The following LINGO2 variants were observed in gnomAD, a reference collection of about 807,000 sequenced individuals.
LINGO2 encodes the protein leucine-rich repeat and immunoglobulin-like domain-containing nogo receptor-interacting protein 2.
In LINGO2, 14 loss-of-function variants were observed where a neutral mutation model predicts 30.6. The observed-to-expected ratio is 0.46, with a 90% CI of 0.30 to 0.72. The LOEUF (loss-of-function observed/expected upper bound fraction) is 0.72. Among genes scored for constraint, LINGO2 ranks in the 30% least tolerant of loss-of-function variants. The pLI, the probability that LINGO2 is intolerant of heterozygous loss-of-function variation, is 0.07. For synonymous variants in LINGO2, 317 were observed against 288.5 expected, an observed-to-expected ratio of 1.10 and a Z score of -1.00; for missense variants, 729 against 751.7, an observed-to-expected ratio of 0.97 and a Z score of 0.35.
intron 4 of LINGO2, among the ~76,000 whole-genome samples, chr9:28,092,904 G>A (rs1826138225): frequency 6.6e-6 from 1 of 151,862 alleles, no homozygotes; most frequent in African/African-American, 2.4e-5. Context: ...ACCAGACATT[G>A]GACTAAGTGC....
At chr9:28,876,494 C>T in the LINGO2 span, among the ~76,000 whole-genome samples, 24 of 151,346 alleles carry the variant, frequency 1.6e-4, no homozygotes, top group Admixed American at 2.6e-4. Flanking sequence ...AGTGAGAACA[C>T]GTGGTGTTTG....
chr9:27,939,889 A>C, the LINGO2 span: 1 of 152,200 alleles, frequency 6.6e-6, no homozygotes, highest in East Asian at 1.9e-4. Flanking sequence ...TGGTAAACAA[A>C]TTTATCTCCC....
intron 4 of LINGO2, among the ~76,000 whole-genome samples, chr9:28,172,062 AC>A (rs1238194159): frequency 7.1e-6 from 1 of 140,976 alleles, no homozygotes; most frequent in Non-Finnish European, 1.5e-5. Context: ...ATCTCCTACC[AC>A]TTTCCTGCTG....
chr9:29,080,508 C>T, the LINGO2 span, among the ~76,000 whole-genome samples: 1 of 151,904 alleles, frequency 6.6e-6, no homozygotes. Context: ...TTTGCTCTTG[C>T]TTCTCTAGTT....
chr9:29,199,070 G>A, the LINGO2 span, among the ~76,000 whole-genome samples: 1 of 152,008 alleles, frequency 6.6e-6, no homozygotes, highest in Non-Finnish European at 1.5e-5. Flanking sequence ...GGTTGTTGCG[G>A]GCCTGTGGGA....
chr9:28,632,091 G>T (rs185838121), intron 1 of LINGO2, among the ~76,000 whole-genome samples: 1 of 152,250 alleles, frequency 6.6e-6, no homozygotes. Context: ...GGCAGAAGGT[G>T]ACACATAGTG....
At chr9:29,002,255 C>T in the LINGO2 span, among the ~76,000 whole-genome samples, 1 of 151,958 alleles carries the variant, frequency 6.6e-6, no homozygotes, top group Non-Finnish European at 1.5e-5. Context: ...TATTGTATCC[C>T]TTGATTATAT....
chr9:28,296,248 G>A (rs1245594574), intron 3 of LINGO2, among the ~76,000 whole-genome samples: 3 of 152,152 alleles, frequency 2.0e-5, no homozygotes, highest in East Asian at 3.9e-4. Flanking sequence ...CACTTCAATA[G>A]ACGATCAGGA....
At chr9:28,445,329 A>G (rs922748399) in intron 2 of LINGO2, among the ~76,000 whole-genome samples, 1 of 152,142 alleles carries the variant, frequency 6.6e-6, no homozygotes, top group African/African-American at 2.4e-5. Context: ...CTGGAGATAC[A>G]TGGTCCCTAC....
chr9:28,131,712 C>G (rs771519656), intron 4 of LINGO2, among the ~76,000 whole-genome samples: 7 of 152,064 alleles, frequency 4.6e-5, no homozygotes, highest in Non-Finnish European at 1.0e-4. Context: ...TTCTCACTCA[C>G]AAACTCCAAT....
the LINGO2 span, among the ~76,000 whole-genome samples, chr9:29,023,053 C>A: frequency 2.2e-3 from 332 of 151,836 alleles, 1 homozygote; most frequent in African/African-American, 7.7e-3. Flanking sequence ...CCTACATAGT[C>A]AGCATTCAAA....
At chr9:28,707,452 T>G in the LINGO2 span, among the ~76,000 whole-genome samples, 1 of 152,282 alleles carries the variant, frequency 6.6e-6, no homozygotes, top group Middle Eastern at 3.4e-3. Flanking sequence ...CCTGAGAGTC[T>G]TTCGAAGTTA....
At position 28,504,817 on chromosome 9, in the gene LINGO2, G is replaced by A. The variant is rs575407167; in HGVS notation, c.-364-28792C>T. ...GAAATGAGAAAGAAGTAAAGAGGCA[G>A]AATATGCTTTTTGGTAAAACAGTGT... On this transcript the variant is annotated intron_variant, in intron 1 of 5. Coordinates refer to ENST00000379992, the Ensembl canonical transcript of LINGO2. Among the ~76,000 whole-genome samples, 3 of 151,976 alleles carry A rather than the reference G, an allele frequency of 2.0e-5. No homozygotes were observed. In the East Asian group the frequency reaches 5.8e-4, roughly 29 times the overall value.
chr9:28,243,902 T>C (rs973232177), intron 4 of LINGO2, among the ~76,000 whole-genome samples: 3 of 152,148 alleles, frequency 2.0e-5, no homozygotes, highest in Non-Finnish European at 4.4e-5. Context: ...CCACTGGCAA[T>C]ATTAGACAAA....
At chr9:28,316,493 G>A (rs1262848419) in intron 3 of LINGO2, among the ~76,000 whole-genome samples, 1 of 151,972 alleles carries the variant, frequency 6.6e-6, no homozygotes, top group African/African-American at 2.4e-5. Flanking sequence ...GCAAAGAAGT[G>A]GAATCTGGAA....
chr9:28,650,263 G>A (rs1440455821), intron 1 of LINGO2, among the ~76,000 whole-genome samples: 1 of 152,098 alleles, frequency 6.6e-6, no homozygotes, highest in Non-Finnish European at 1.5e-5. Flanking sequence ...ACTCTAGCAC[G>A]TGGGCTCTTT....
chr9:28,428,628 C>T (rs1403168670), intron 2 of LINGO2, among the ~76,000 whole-genome samples: 1 of 152,056 alleles, frequency 6.6e-6, no homozygotes, highest in Non-Finnish European at 1.5e-5. Flanking sequence ...TAGCTTTAAT[C>T]AGAGCAGTTG....
chr9:28,031,789 A>G (rs1295111206), intron 4 of LINGO2, among the ~76,000 whole-genome samples: 1 of 152,204 alleles, frequency 6.6e-6, no homozygotes, highest in Non-Finnish European at 1.5e-5. Flanking sequence ...TCCAGAACAC[A>G]CACTTGTCTA....
the LINGO2 span, among the ~76,000 whole-genome samples, chr9:28,878,383 A>T: frequency 6.6e-6 from 1 of 152,180 alleles, no homozygotes; most frequent in Admixed American, 6.6e-5. Flanking sequence ...GACTAGATGG[A>T]TTCACAGCCG....
Sources: gnomAD v4.1 joint callset for allele counts (sites outside exome capture counted in the v4.1 genomes callset) on GRCh38, gnomAD v4.1.1 for gene constraint, MANE v1.5 for transcripts, NCBI Gene and HGNC (gene_info 2026-07-23, HGNC 2026-07-21) for gene names.